Variants in CFAP92 observed in about 807,000 individuals in gnomAD.
CFAP92 encodes cilia and flagella associated protein 92 (putative), also known as uncharacterized protein CFAP92.
A neutral mutation model predicts 106.3 loss-of-function variants in CFAP92; 86 were observed. That is an observed-to-expected ratio of 0.81 (90% CI 0.68 to 0.97). The LOEUF is 0.97. Among genes scored for constraint, CFAP92 ranks in the 50% least tolerant of loss-of-function variants. The pLI is 0.00. For synonymous variants in CFAP92, 477 were observed against 506.4 expected, an observed-to-expected ratio of 0.94 and a Z score of 0.78; for missense variants, 1,204 against 1,283.8, an observed-to-expected ratio of 0.94 and a Z score of 0.95.
chr3:129,003,259 T>A (rs1405823048), upstream of CFAP92: 38 of 985,314 alleles, frequency 3.9e-5, no homozygotes, highest in Non-Finnish European at 4.6e-5. Flanking sequence ...GGGATGCGCC[T>A]GAACGGTCTT....
intron 15 of CFAP92, among the ~76,000 whole-genome samples, chr3:128,914,303 CAG>C (rs1354373309): frequency 6.6e-6 from 1 of 152,190 alleles, no homozygotes; most frequent in Admixed American, 6.5e-5. Flanking sequence ...GACATGCCCA[CAG>C]AGAGCAGGTC....
At chr3:128,998,849 C>T (rs891257967), upstream of CFAP92, among the ~76,000 whole-genome samples, 1 of 152,186 alleles carries the variant, frequency 6.6e-6, no homozygotes, top group African/African-American at 2.4e-5. Context: ...GAATGAGCTA[C>T]GATTTGCACA....
chr3:128,941,033 C>G (rs572907897), intron 10 of CFAP92, among the ~76,000 whole-genome samples: 2 of 152,220 alleles, frequency 1.3e-5, no homozygotes, highest in East Asian at 3.9e-4. Flanking sequence ...AATATTGAGT[C>G]TTCAAATTCA....
chr3:129,004,354 T>C, upstream of CFAP92, among the ~76,000 whole-genome samples: 1 of 131,168 alleles, frequency 7.6e-6, no homozygotes, highest in Non-Finnish European at 1.7e-5. Context: ...ATCCATCCAT[T>C]TGTCCATTCA....
intron 4 of CFAP92, among the ~76,000 whole-genome samples, chr3:128,987,041 G>A (rs1943899114): frequency 6.6e-6 from 1 of 152,174 alleles, no homozygotes; most frequent in African/African-American, 2.4e-5. Flanking sequence ...CATGCCTGGA[G>A]TCCCAGCTGC....
At chr3:129,016,912 G>C in the CFAP92 span, among the ~76,000 whole-genome samples, 1 of 152,156 alleles carries the variant, frequency 6.6e-6, no homozygotes, top group South Asian at 2.1e-4. Flanking sequence ...ACTCAGAATG[G>C]CTTAAACCAC....
At chr3:128,926,359 C>G (rs565946423) in intron 12 of CFAP92, among the ~76,000 whole-genome samples, 29 of 152,046 alleles carry the variant, frequency 1.9e-4, no homozygotes, top group African/African-American at 6.3e-4. Flanking sequence ...TCTAAAAATA[C>G]AAAAATTAGC....
intron 12 of CFAP92, among the ~76,000 whole-genome samples, chr3:128,931,974 A>G (rs986749765): frequency 2.0e-5 from 3 of 152,178 alleles, no homozygotes; most frequent in African/African-American, 7.2e-5. Context: ...CCCATGATCA[A>G]GTCATAGTAC....
chr3:128,994,538 T>G (rs1944407069), upstream of CFAP92, among the ~76,000 whole-genome samples: 1 of 152,048 alleles, frequency 6.6e-6, no homozygotes, highest in African/African-American at 2.4e-5. Context: ...CATTAGATTC[T>G]CTGCTTCTGT....
At chr3:128,984,734 AC>A (rs1001407008) in intron 4 of CFAP92, among the ~76,000 whole-genome samples, 2 of 152,188 alleles carry the variant, frequency 1.3e-5, no homozygotes, top group African/African-American at 4.8e-5. Flanking sequence ...CCTCTAGAGA[AC>A]ACTGACTAGT....
chr3:128,967,020 T>A (rs1428042778), intron 8 of CFAP92: 1 of 152,190 alleles, frequency 6.6e-6, no homozygotes, highest in Non-Finnish European at 1.5e-5. Context: ...TGACTCTTTG[T>A]CATGTGATAA....
intron 10 of CFAP92, among the ~76,000 whole-genome samples, chr3:128,942,437 G>A (rs1369275766): frequency 1.3e-5 from 2 of 152,164 alleles, no homozygotes; most frequent in African/African-American, 2.4e-5. Flanking sequence ...CTGGCTGACC[G>A]CCTACATGGC....
Position 128,999,642 on chromosome 3 carries a change from G to A in CFAP92, n.117+2932C>T, listed in dbSNP as rs184116101. Among the ~76,000 whole-genome samples the A allele has an allele frequency of 1.4e-3, 211 of 146,566 alleles. 3 individuals carry two copies. The highest frequency in any genetic ancestry group is 5.1e-3 in the Admixed American group (72 of 14,216). On this transcript the variant is annotated intron_variant and non_coding_transcript_variant, in intron 1 of 4. Coordinates refer to the CFAP92 transcript ENST00000510149. The stretch of plus-strand genomic sequence containing the variant: ...CAACCTCCGCCTCCCAGGTTCAAGC[G>A]ATTCATCTGCCTCAGCCTCCCAAGT...
At chr3:128,912,622 T>A in intron 15 of CFAP92, 1 of 1,608,554 alleles carries the variant, frequency 6.2e-7, no homozygotes, top group South Asian at 1.1e-5. Context: ...GGGGACAGTG[T>A]CCCCTGCTAC....
chr3:128,917,642 A>G (rs1936927908), intron 12 of CFAP92, among the ~76,000 whole-genome samples: 1 of 152,232 alleles, frequency 6.6e-6, no homozygotes, highest in Non-Finnish European at 1.5e-5. Context: ...AATAAGAGTG[A>G]AGATAGCAAT....
intron 15 of CFAP92, chr3:128,912,465 G>T (rs184945177): frequency 1.3e-6 from 2 of 1,562,790 alleles, no homozygotes; most frequent in South Asian, 2.2e-5. Flanking sequence ...GTCTTATCAC[G>T]GTGCAGAAAG....
rs979811606 is a variant in CFAP92, at chr3:129,002,041, C to G, written n.117+533G>C. 1.9e-6 allele frequency: 3 copies of G among 1,543,328 alleles called. No individual in the cohort carries two copies. In the African/African-American group the frequency reaches 4.2e-5, roughly 21 times the overall value. ...CGCCTGGCGCTGCGCGCCGAGCCGC[C>G]GGAGCTCACCTTCCGCCAGTTCCAC... On this transcript the variant is annotated intron_variant and non_coding_transcript_variant, in intron 1 of 4. Transcript: ENST00000510149.
At chr3:129,003,399 G>A, upstream of CFAP92, 1 of 602,994 alleles carries the variant, frequency 1.7e-6, no homozygotes, top group Non-Finnish European at 2.1e-6. Context: ...GGCACGGGGA[G>A]GGCTGGAAAT....
At chr3:128,916,317 C>A in intron 12 of CFAP92, 46 bp from the exon 13 acceptor site, 1 of 1,188,792 alleles carries the variant, frequency 8.4e-7, no homozygotes, top group Non-Finnish European at 1.1e-6. Context: ...GTCATCCTCA[C>A]CCCCCATGCC....
Sources: gnomAD v4.1 joint callset for allele counts (sites outside exome capture counted in the v4.1 genomes callset) on GRCh38, gnomAD v4.1.1 for gene constraint, MANE v1.5 for transcripts, NCBI Gene and HGNC (gene_info 2026-07-23, HGNC 2026-07-21) for gene names.